CDH2: variants seen among roughly 807,000 people sequenced by gnomAD.
CDH2 encodes cadherin 2, also known as cadherin-2.
In CDH2, 17 loss-of-function variants were observed where a neutral mutation model predicts 92.0. The observed-to-expected ratio is 0.18, with a 90% CI of 0.13 to 0.28. CDH2 has a LOEUF of 0.28. Among genes scored for constraint, CDH2 ranks in the 10% least tolerant of loss-of-function variants. The probability of loss-of-function intolerance (pLI) is 1.00; values close to 1 mark genes in which losing one functional copy is unlikely to be tolerated. For missense variants in CDH2, 862 were observed against 1,133.1 expected (o/e 0.76, Z 3.44); for synonymous variants, 419 against 415.9 (o/e 1.01, Z -0.09).
intron 2 of CDH2, among the ~76,000 whole-genome samples, chr18:28,059,930 C>T (rs1567982703): frequency 6.6e-6 from 1 of 152,088 alleles, no homozygotes; most frequent in Non-Finnish European, 1.5e-5. Context: ...CTACATTTTC[C>T]CCTGCGATCT....
chr18:28,097,471 C>T (rs1330874221), intron 2 of CDH2, among the ~76,000 whole-genome samples: 6 of 151,924 alleles, frequency 3.9e-5, no homozygotes, highest in Non-Finnish European at 1.5e-5. Flanking sequence ...ATCTAATCTG[C>T]ATTTCTGTCC....
chr18:28,010,317 TAC>T (rs1567962707), intron 4 of CDH2, among the ~76,000 whole-genome samples: 1 of 152,236 alleles, frequency 6.6e-6, no homozygotes, highest in Non-Finnish European at 1.5e-5. Context: ...GGAACTCTAA[TAC>T]AGTTATGGTT....
At chr18:28,106,874 T>C (rs900261008) in intron 2 of CDH2, among the ~76,000 whole-genome samples, 1 of 152,144 alleles carries the variant, frequency 6.6e-6, no homozygotes, top group African/African-American at 2.4e-5. Context: ...AAATGTTTAG[T>C]GAAAATTATT....
chr18:28,041,488 C>A (rs1245295478), intron 2 of CDH2, among the ~76,000 whole-genome samples: 3 of 152,172 alleles, frequency 2.0e-5, no homozygotes, highest in Admixed American at 6.5e-5. Context: ...CAAGCCTCAC[C>A]AGGCAATGTG....
Position 28,003,109 on chromosome 18 carries a change from A to G in CDH2, c.908T>C (p.Met303Thr). ...CTGAGACACGATTCTGTACCTCAAC[A>G]TCCCATTGAGGGCATTGGGATCGTC... is the stretch of plus-strand genomic sequence containing the variant. ...DADDPNALNG[M>T]LRYRIVSQAP... Residue 303 changes from methionine to threonine, a missense_variant, in exon 7 of 16, where the codon ATG becomes ACG. Physicochemically the swap from Met to Thr is moderately conservative, Grantham distance 81. This residue lies in a region of CDH2 where 564 missense variants were observed against 722.2 expected (regional missense o/e 0.78). Coordinates refer to ENST00000269141, the MANE Select transcript of CDH2 (RefSeq NM_001792.5). 6.2e-7 allele frequency: 1 copy of G among 1,613,384 alleles called. No homozygotes were observed.
At chr18:28,010,133 C>T (rs2013053990) in intron 4 of CDH2, among the ~76,000 whole-genome samples, 1 of 152,170 alleles carries the variant, frequency 6.6e-6, no homozygotes, top group Admixed American at 6.5e-5. Flanking sequence ...GCAAAAGTTC[C>T]AAATCTACAA....
intron 7 of CDH2, among the ~76,000 whole-genome samples, chr18:27,996,238 T>C (rs1375970134): frequency 6.6e-6 from 1 of 152,148 alleles, no homozygotes; most frequent in Admixed American, 6.5e-5. Flanking sequence ...TGTCATTCCA[T>C]TTGGCATTCT....
intron 2 of CDH2, among the ~76,000 whole-genome samples, chr18:28,055,218 C>T (rs1007202561): frequency 5.9e-5 from 9 of 152,182 alleles, no homozygotes; most frequent in East Asian, 1.9e-4. Context: ...TCAGATCTCA[C>T]GAGACTTACT....
chr18:28,176,688 G>C (rs899545677), intron 1 of CDH2, among the ~76,000 whole-genome samples: 2 of 151,996 alleles, frequency 1.3e-5, no homozygotes, highest in Non-Finnish European at 2.9e-5. Context: ...GAGCTTGCTC[G>C]GCCCCGAAGA....
At position 28,011,764 on chromosome 18, in the gene CDH2, C is replaced by T. The variant is rs185057764; in HGVS notation, c.546+82G>A. 1.7e-5 allele frequency: 23 copies of T among 1,382,582 alleles called. No individual in the cohort carries two copies. In the African/African-American group the frequency reaches 2.8e-4, roughly 17 times the overall value. The allele number at this position is 1,382,582 out of a possible 1,614,324, so 85.6% of individuals were successfully genotyped here. A position where few individuals can be genotyped will look rare whatever the true frequency, so the allele number is the denominator to read the frequency against. Reference sequence around the variant, plus strand: ...TAGTATATACATGTCATAAATTCTACTTTGTAAAAAAAATAGACAGAAATA... The same window carrying T: ...TAGTATATACATGTCATAAATTCTATTTTGTAAAAAAAATAGACAGAAATA... On this transcript the variant is annotated intron_variant, in intron 4 of 15. Transcript: ENST00000269141.
Position 28,045,543 on chromosome 18 carries a change from G to A in CDH2, c.173-31634C>T, listed in dbSNP as rs528107616. The A allele has an allele frequency of 4.2e-4, 171 of 411,850 alleles. 1 individual carries two copies. The highest frequency in any genetic ancestry group is 6.7e-4 in the Non-Finnish European group (136 of 203,312). 25.5% of individuals were successfully genotyped at this position (411,850 alleles called of 1,614,324 possible). A position where few individuals can be genotyped will look rare whatever the true frequency, so the allele number is the denominator to read the frequency against. On this transcript the variant is annotated intron_variant, in intron 2 of 15. Transcript: ENST00000269141. ...TACAGTTTCTGGAACACATCCAACT[G>A]TTTCAGGCTTCTGCCTTGCTCATGC... is the stretch of plus-strand genomic sequence containing the variant.
Position 28,043,495 on chromosome 18 carries a change from A to AATATAT in CDH2, c.173-29592_173-29587dup, listed in dbSNP as rs369458635. 9.2e-5 allele frequency among the ~76,000 whole-genome samples: 8 copies of AATATAT among 87,370 alleles called. No homozygotes were observed. The East Asian group carries it at 2.2e-3, about 24-fold the overall frequency. 57.3% of individuals were successfully genotyped at this position (87,370 alleles called of 152,430 possible). ...ATATATATATATATATATATATATAAATATATATATATATATATATAAACA... is the reference window on the plus strand; with the variant it reads ...ATATATATATATATATATATATATAAATATATATATATATATATATATATATAAACA... On this transcript the variant is annotated intron_variant, in intron 2 of 15. Transcript: ENST00000269141.
At chr18:28,116,397 C>T (rs565722790) in intron 2 of CDH2, among the ~76,000 whole-genome samples, 2 of 152,226 alleles carry the variant, frequency 1.3e-5, no homozygotes, top group East Asian at 3.9e-4. Context: ...TTAAATTTTA[C>T]TGTTTTAGCA....
chr18:27,939,270 A>T (rs1397724264), intron 6 of CDH2, among the ~76,000 whole-genome samples: 2 of 152,112 alleles, frequency 1.3e-5, no homozygotes, highest in African/African-American at 4.8e-5. Flanking sequence ...CTGCAATTTC[A>T]GATAGCCTGG....
At chr18:28,134,368 C>G (rs1216839176) in intron 2 of CDH2, among the ~76,000 whole-genome samples, 11 of 151,944 alleles carry the variant, frequency 7.2e-5, no homozygotes, top group Admixed American at 5.9e-4. Flanking sequence ...CAGCCTTTCC[C>G]CCACAAAAAA....
At chr18:28,081,261 T>C (rs1027969024) in intron 2 of CDH2, among the ~76,000 whole-genome samples, 5 of 152,222 alleles carry the variant, frequency 3.3e-5, no homozygotes, top group African/African-American at 1.2e-4. Context: ...AATTGTTTAC[T>C]TATGTTAGTG....
chr18:28,080,731 A>T (rs2014813088), intron 2 of CDH2, among the ~76,000 whole-genome samples: 1 of 152,238 alleles, frequency 6.6e-6, no homozygotes, highest in Non-Finnish European at 1.5e-5. Flanking sequence ...TCCTTCACTC[A>T]ATCAGCTAAT....
chr18:28,020,820 A>G (rs1272693162), intron 2 of CDH2, among the ~76,000 whole-genome samples: 1 of 152,046 alleles, frequency 6.6e-6, no homozygotes, highest in Non-Finnish European at 1.5e-5. Flanking sequence ...TTTAGTTAAT[A>G]ATAATGCATT....
downstream of CDH2, among the ~76,000 whole-genome samples, chr18:27,947,983 T>C (rs185212211): frequency 6.6e-4 from 97 of 148,078 alleles, no homozygotes; most frequent in Non-Finnish European, 1.2e-3. Flanking sequence ...GTTGGGTTTA[T>C]ATTGAAGTTT....
Sources: gnomAD v4.1 joint callset for allele counts (sites outside exome capture counted in the v4.1 genomes callset) on GRCh38, gnomAD v4.1.1 for gene constraint, gnomAD v4.1.1 regional missense constraint, MANE v1.5 for transcripts, NCBI Gene and HGNC (gene_info 2026-07-23, HGNC 2026-07-21) for gene names.